Variants in B3GAT3 observed in about 807,000 individuals in gnomAD.
The protein encoded by B3GAT3 is galactosylgalactosylxylosylprotein 3-beta-glucuronosyltransferase 3.
B3GAT3 carries 19 observed loss-of-function variants against 33.1 expected under a neutral mutation model. The ratio of observed to expected loss-of-function variants is 0.57; its 90% confidence interval spans 0.40 to 0.84. B3GAT3 has a LOEUF of 0.84. Ranked by LOEUF, B3GAT3 falls within the 40% of genes least tolerant of loss-of-function variation. The pLI is 0.00. For synonymous variants in B3GAT3, 167 were observed against 193.5 expected, an observed-to-expected ratio of 0.86 and a Z score of 1.14; for missense variants, 344 against 441.5, an observed-to-expected ratio of 0.78 and a Z score of 1.98.
At position 62,616,643 on chromosome 11, in the gene B3GAT3, C is replaced by T. The variant is rs200860039; in HGVS notation, c.772G>A (p.Val258Met). Residue 258 changes from valine (V) to methionine (M), a missense_variant, in exon 4 of 5, where the codon GTG becomes ATG. Val to Met is a conservative substitution (Grantham distance 21, BLOSUM62 1). Coordinates refer to ENST00000265471, the MANE Select transcript of B3GAT3 (RefSeq NM_012200.4). ...TTATCTAACAGCAAGGGCAGGGCCACGGCAAATCCAGCCATATCCACAGGG... is the reference window on the plus strand; with the variant it reads ...TTATCTAACAGCAAGGGCAGGGCCATGGCAAATCCAGCCATATCCACAGGG... ...PFPVDMAGFA[V>M]ALPLLLDKPN... The T allele has an allele frequency of 1.4e-4, 221 of 1,614,220 alleles. No homozygotes were observed. In the East Asian group the frequency reaches 3.2e-3, roughly 23 times the overall value.
intron 1 of B3GAT3, 137 bp from the exon 2 acceptor site, chr11:62,620,808 T>C: frequency 1.3e-6 from 1 of 771,560 alleles, no homozygotes; most frequent in South Asian, 1.8e-5. Context: ...CTAGTAGCCT[T>C]TTCTATACCT....
chr11:62,617,303 CTCAG>C lies in B3GAT3; in HGVS notation c.298_301del (p.Leu100AlafsTer136), dbSNP rs1447702013. On this transcript the variant is annotated frameshift_variant, in exon 3 of 5. Transcript: ENST00000265471. LOFTEE classifies it high-confidence loss of function. ...CAGCCAATGCAGCCGGGGCACCAGG[CTCAG>C]TGTCTGGGACAGTCGTACCAGCTCT... 6.2e-7 allele frequency: 1 copy of C among 1,613,378 alleles called. No homozygotes were observed. The highest frequency in any genetic ancestry group is 8.5e-7 in the Non-Finnish European group (1 of 1,180,022).
In B3GAT3 at chr11:62,617,326, C is replaced by G. The variant is rs565204330; in HGVS notation, c.279G>C (p.Leu93=). 1 of 1,612,840 alleles carries G rather than the reference C, an allele frequency of 6.2e-7. No individual in the cohort carries two copies. The highest frequency in any genetic ancestry group is 8.5e-7 in the Non-Finnish European group (1 of 1,179,972). The stretch of plus-strand genomic sequence containing the variant: ...GGCTCAGTGTCTGGGACAGTCGTAC[C>G]AGCTCTGCCTTCTGTACCAGCCTGC... ...TYARLVQKAE[L]VRLSQTLSLV... is the part of the protein sequence containing the mutation. Residue 93 remains leucine (L), a synonymous_variant, in exon 3 of 5, where the codon CTG becomes CTC. Transcript: ENST00000265471.
Position 62,616,568 on chromosome 11 carries a change from T to C in B3GAT3, c.847A>G (p.Ser283Gly). The C allele has an allele frequency of 6.2e-7, 1 of 1,614,254 alleles. No homozygotes were observed. The highest frequency in any genetic ancestry group is 8.5e-7 in the Non-Finnish European group (1 of 1,180,046). Residue 283 changes from serine (S) to glycine (G), a missense_variant, in exon 4 of 5, where the codon AGT (serine) becomes GGT (glycine). Ser to Gly is a moderately conservative substitution (Grantham distance 56). Coordinates refer to ENST00000265471, the MANE Select transcript of B3GAT3 (RefSeq NM_012200.4). ...STAPRGHLES[S>G]LLSHLVDPKD... ...GGATCCACAAGGTGGCTCAGAAGAC[T>C]GCTCTCCAGGTGGCCCCGGGGAGCG...
intron 2 of B3GAT3, chr11:62,617,572 G>A: frequency 1.6e-6 from 1 of 625,744 alleles, no homozygotes; most frequent in Non-Finnish European, 2.8e-6. Flanking sequence ...TCAGGCTGTG[G>A]GAGACTATAA....
Position 62,616,170 on chromosome 11 carries a change from G to A in B3GAT3, c.909+336C>T, listed in dbSNP as rs1004937293. 21 of 535,904 alleles carry A rather than the reference G, an allele frequency of 3.9e-5. No homozygotes were observed. In the African/African-American group the frequency reaches 4.0e-4, roughly 10 times the overall value. 33.2% of individuals were successfully genotyped at this position (535,904 alleles called of 1,614,324 possible). ...GAGGCAGGAGAATGGTGTGAACCCG[G>A]GAGGCGGAGCTTGCGCTAAGCCAAG... On this transcript the variant is annotated intron_variant, in intron 4 of 4. Coordinates refer to ENST00000265471, the MANE Select transcript of B3GAT3 (RefSeq NM_012200.4).
rs1455031485 is a variant in B3GAT3, at chr11:62,617,173, C to T, written c.432G>A (p.Arg144=). The T allele has an allele frequency of 1.2e-6, 2 of 1,613,956 alleles. No individual in the cohort carries two copies. Among genetic ancestry groups the T allele is most frequent in the Non-Finnish European group, 1.7e-6 (2 of 1,179,936 alleles). Residue 144 remains arginine (R), a synonymous_variant, in exon 3 of 5, where the codon CGG becomes CGA. Transcript: ENST00000265471. ...CCCAGCCAGGCTCGCCCTCCCGAAGCCGCTGGGCTTTGGGCGTGAGGACCA... is the reference window on the plus strand; with the variant it reads ...CCCAGCCAGGCTCGCCCTCCCGAAGTCGCTGGGCTTTGGGCGTGAGGACCA... ...HLVVLTPKAQ[R]LREGEPGWVH...
chr11:62,615,859 C>A, intron 4 of B3GAT3, 60 bp from the exon 5 acceptor site: 1 of 1,592,046 alleles, frequency 6.3e-7, no homozygotes, highest in East Asian at 2.3e-5. Flanking sequence ...TCTGGGTCCC[C>A]GAGCCTGGAA....
chr11:62,616,689 T>C lies in B3GAT3; in HGVS notation c.726A>G (p.Ala242=). 6.2e-7 allele frequency: 1 copy of C among 1,614,206 alleles called. No homozygotes were observed. The highest frequency in any genetic ancestry group is 8.5e-7 in the Non-Finnish European group (1 of 1,180,034). Residue 242 remains alanine, a synonymous_variant, in exon 4 of 5, where the codon GCA becomes GCG. Coordinates refer to ENST00000265471, the MANE Select transcript of B3GAT3 (RefSeq NM_012200.4). ...CAGGGAAGGGCCTGCTGGGCTCCCA[T>C]GCTGTGTGGAAGCCCACTACCCGGC... is the stretch of plus-strand genomic sequence containing the variant. The part of the protein sequence containing the change: ...QDGRVVGFHT[A]WEPSRPFPVD...
Position 62,615,563 on chromosome 11 carries a change from C to G in B3GAT3, c.*138G>C. 1 of 1,457,558 alleles carries G rather than the reference C, an allele frequency of 6.9e-7. No homozygotes were observed. The highest frequency in any genetic ancestry group is 9.2e-7 in the Non-Finnish European group (1 of 1,082,724). 90.3% of individuals were successfully genotyped at this position (1,457,558 alleles called of 1,614,324 possible). On this transcript the variant is annotated 3_prime_UTR_variant, in exon 5 of 5. Coordinates refer to ENST00000265471, the MANE Select transcript of B3GAT3 (RefSeq NM_012200.4). The stretch of plus-strand genomic sequence containing the variant: ...GGAGGGGTGAAGCAGCAGGACCATG[C>G]CCTGGGCCTGGAGGGGCAGAGGGGC...
chr11:62,618,070 G>A (rs1158567809), intron 2 of B3GAT3, among the ~76,000 whole-genome samples: 2 of 151,486 alleles, frequency 1.3e-5, no homozygotes, highest in South Asian at 2.1e-4. Context: ...CTAGCTACTC[G>A]GGAGGCTGAG....
At position 62,620,895 on chromosome 11, in the gene B3GAT3, T is replaced by C. The variant is rs1205951107; in HGVS notation, c.83-224A>G. Among the ~76,000 whole-genome samples, 5 of 152,346 alleles carry C rather than the reference T, an allele frequency of 3.3e-5. No homozygotes were observed. In the East Asian group the frequency reaches 9.6e-4, roughly 29 times the overall value. The stretch of plus-strand genomic sequence containing the variant: ...AAATTCCATTGTTACAATTTTATGT[T>C]GGATATTGAGCTGATTCCATCTTTT... On this transcript the variant is annotated intron_variant, in intron 1 of 4. Transcript: ENST00000265471.
chr11:62,621,054 CCT>C (rs755558902), intron 1 of B3GAT3: 54 of 479,486 alleles, frequency 1.1e-4, no homozygotes, highest in Non-Finnish European at 2.1e-4. Flanking sequence ...CTTTCAAATA[CCT>C]GAGGATAACG....
Position 62,616,816 on chromosome 11 carries a change from A to G in B3GAT3, c.619-20T>C, listed in dbSNP as rs1452428678. ...GCGCATCTAACGGAGGTCGGGAGAG[A>G]AGAAACAGAGGGGTGGTCCGGGGAA... On this transcript the variant is annotated intron_variant, in intron 3 of 4. Transcript: ENST00000265471. 2 of 1,613,742 alleles carry G rather than the reference A, an allele frequency of 1.2e-6. No individual in the cohort carries two copies. Among genetic ancestry groups the G allele is most frequent in the Admixed American group, 3.3e-5 (2 of 60,020 alleles).
chr11:62,615,341 T>C lies in B3GAT3; in HGVS notation c.*360A>G. ...TCTGGAGGTAGGAAGGGGGTCAGCA[T>C]GCTCAGGTGGGAAGGGTCCAGCCCA... On this transcript the variant is annotated 3_prime_UTR_variant, in exon 5 of 5. Coordinates refer to ENST00000265471, the MANE Select transcript of B3GAT3 (RefSeq NM_012200.4). The C allele has an allele frequency of 2.4e-6, 1 of 425,272 alleles. No homozygotes were observed. The highest frequency in any genetic ancestry group is 4.3e-6 in the Non-Finnish European group (1 of 230,006). The allele number at this position is 425,272 out of a possible 1,614,324, so 26.3% of individuals were successfully genotyped here.
At chr11:62,619,316 G>A (rs1590778183) in intron 2 of B3GAT3, among the ~76,000 whole-genome samples, 1 of 152,200 alleles carries the variant, frequency 6.6e-6, no homozygotes, top group African/African-American at 2.4e-5. Flanking sequence ...CTTCCTATGC[G>A]TGAATGGGAC....
At chr11:62,616,164 A>T (rs886527905) in intron 4 of B3GAT3, 3 of 534,148 alleles carry the variant, frequency 5.6e-6, no homozygotes, top group Non-Finnish European at 9.7e-6. Context: ...GAATGGTGTG[A>T]ACCCGGGAGG....
At chr11:62,617,508 C>A (rs1241278919) in intron 2 of B3GAT3, 161 bp from the exon 3 acceptor site, 2 of 908,366 alleles carry the variant, frequency 2.2e-6, no homozygotes, top group South Asian at 1.5e-5. Context: ...CATGCTAACA[C>A]TCACCTGCCC....
chr11:62,621,000 A>G, intron 1 of B3GAT3: 2 of 522,446 alleles, frequency 3.8e-6, no homozygotes, highest in Admixed American at 2.3e-5. Flanking sequence ...TCAGAGTCCA[A>G]GGTGCCAACT....
Sources: allele counts gnomAD v4.1 joint callset (sites outside exome capture counted in the v4.1 genomes callset), GRCh38; gene constraint gnomAD v4.1.1; transcripts MANE v1.5; gene names NCBI Gene and HGNC (gene_info 2026-07-23, HGNC 2026-07-21).